Variants in CALN1 observed in about 807,000 individuals in gnomAD.
CALN1 encodes the protein calcium-binding protein 8.
A neutral mutation model predicts 30.6 loss-of-function variants in CALN1; 17 were observed. That is an observed-to-expected ratio of 0.56 (90% confidence interval 0.38 to 0.83). The LOEUF (loss-of-function observed/expected upper bound fraction) is 0.83. CALN1 is among the 40% of genes least tolerant of loss of function. The pLI is 0.00. For synonymous variants in CALN1, 156 were observed against 131.4 expected (o/e 1.19, Z -1.28); for missense variants, 291 against 354.9 (o/e 0.82, Z 1.45).
intron 3 of CALN1, among the ~76,000 whole-genome samples, chr7:72,149,788 G>C (rs1418498272): frequency 6.6e-6 from 1 of 152,036 alleles, no homozygotes; most frequent in South Asian, 2.1e-4. Context: ...TGGGCAGAAA[G>C]GACCTGGTCA....
intron 3 of CALN1, among the ~76,000 whole-genome samples, chr7:72,116,574 T>A (rs765119994): frequency 1.3e-5 from 2 of 152,120 alleles, no homozygotes; most frequent in Admixed American, 6.6e-5. Flanking sequence ...TTTGGGCTTC[T>A]CCTGGATGGC....
chr7:72,082,648 T>C (rs1805223336), intron 4 of CALN1, among the ~76,000 whole-genome samples: 1 of 152,170 alleles, frequency 6.6e-6, no homozygotes, highest in African/African-American at 2.4e-5. Context: ...AGTTTTCTCA[T>C]TGCTCGCATC....
At chr7:71,830,646 C>T (rs1241810115) in intron 5 of CALN1, among the ~76,000 whole-genome samples, 1 of 152,132 alleles carries the variant, frequency 6.6e-6, no homozygotes, top group Non-Finnish European at 1.5e-5. Context: ...CCATGCCCAG[C>T]CAATGAATAA....
intron 3 of CALN1, among the ~76,000 whole-genome samples, chr7:72,270,015 G>C (rs2129553377): frequency 6.6e-6 from 1 of 152,138 alleles, no homozygotes; most frequent in Middle Eastern, 3.4e-3. Flanking sequence ...AACAGATAGG[G>C]TATCTCACCA....
chr7:72,201,494 G>A (rs1430256722), intron 3 of CALN1, among the ~76,000 whole-genome samples: 3 of 151,952 alleles, frequency 2.0e-5, no homozygotes, highest in Non-Finnish European at 4.4e-5. Flanking sequence ...GGGAGGCTGA[G>A]GCAGGAGGAT....
chr7:72,238,718 G>A (rs375242298), intron 3 of CALN1, among the ~76,000 whole-genome samples: 6 of 152,030 alleles, frequency 3.9e-5, no homozygotes, highest in East Asian at 1.9e-4. Flanking sequence ...ATTTGCTGCC[G>A]CCACGTGAAG....
chr7:72,187,044 C>A (rs185360329), intron 3 of CALN1, among the ~76,000 whole-genome samples: 4 of 152,110 alleles, frequency 2.6e-5, no homozygotes, highest in Admixed American at 6.5e-5. Context: ...ACCAATTTGA[C>A]AATCTGAGAC....
At chr7:72,480,992 G>T in the CALN1 span, among the ~76,000 whole-genome samples, 1 of 152,102 alleles carries the variant, frequency 6.6e-6, no homozygotes, top group African/African-American at 2.4e-5. Flanking sequence ...TCGCTCTGTT[G>T]CCCAGGCTGG....
At chr7:71,896,304 G>A (rs562328136) in intron 5 of CALN1, among the ~76,000 whole-genome samples, 1 of 152,246 alleles carries the variant, frequency 6.6e-6, no homozygotes, top group African/African-American at 2.4e-5. Context: ...ACAATTGAGG[G>A]CTGATTTGTC....
chr7:72,302,494 G>A (rs1352303201), intron 2 of CALN1, among the ~76,000 whole-genome samples: 4 of 152,248 alleles, frequency 2.6e-5, no homozygotes, highest in Non-Finnish European at 4.4e-5. Context: ...GGCTTAGAAA[G>A]TTTACAATTT....
chr7:71,808,462 A>C (rs1043150564), intron 6 of CALN1, among the ~76,000 whole-genome samples: 2 of 151,790 alleles, frequency 1.3e-5, no homozygotes, highest in African/African-American at 4.8e-5. Context: ...AATTGCTATT[A>C]ACGATCATTA....
intron 3 of CALN1, among the ~76,000 whole-genome samples, chr7:72,169,475 A>G (rs1176136878): frequency 1.5e-5 from 2 of 131,680 alleles, no homozygotes; most frequent in Non-Finnish European, 3.1e-5. Context: ...GCATGCCACC[A>G]CACCCAGCTG....
intron 3 of CALN1, among the ~76,000 whole-genome samples, chr7:72,110,250 T>C (rs1807469434): frequency 6.6e-6 from 1 of 151,892 alleles, no homozygotes; most frequent in African/African-American, 2.4e-5. Flanking sequence ...TAGCTGGGGG[T>C]GTTTGAGAAC....
At chr7:72,034,795 CAAAAAAA>C (rs57756121) in intron 4 of CALN1, among the ~76,000 whole-genome samples, 6 of 52,644 alleles carry the variant, frequency 1.1e-4, no homozygotes, top group Non-Finnish European at 1.9e-4. Flanking sequence ...GACTCTGTCT[CAAAAAAA>C]AAAAAAAAAA....
intron 5 of CALN1, among the ~76,000 whole-genome samples, chr7:71,859,939 C>G (rs1791174200): frequency 6.6e-6 from 1 of 152,106 alleles, no homozygotes; most frequent in African/African-American, 2.4e-5. Flanking sequence ...CTAAACAGAC[C>G]CAGACTCAGG....
intron 3 of CALN1, among the ~76,000 whole-genome samples, chr7:72,228,329 A>G (rs891720955): frequency 1.3e-5 from 2 of 151,712 alleles, no homozygotes; most frequent in Admixed American, 6.6e-5. Context: ...AGCTTAGCAT[A>G]TCACATAACA....
intron 3 of CALN1, among the ~76,000 whole-genome samples, chr7:72,225,751 C>A (rs1346353888): frequency 6.6e-6 from 1 of 152,074 alleles, no homozygotes; most frequent in Non-Finnish European, 1.5e-5. Flanking sequence ...TAGCGAGTAC[C>A]CACAATGTCT....
At chr7:72,006,752 T>C (rs1482116568) in intron 5 of CALN1, among the ~76,000 whole-genome samples, 1 of 152,164 alleles carries the variant, frequency 6.6e-6, no homozygotes, top group Non-Finnish European at 1.5e-5. Context: ...GGAAGTGCCA[T>C]ATATTAATTT....
chr7:72,292,013 A>AAAAAAAAG (rs1562847524), intron 2 of CALN1, among the ~76,000 whole-genome samples: 1 of 151,770 alleles, frequency 6.6e-6, no homozygotes. Flanking sequence ...AAAAAAAAAA[A>AAAAAAAAG]AAGAATTTCA....
Sources: gnomAD v4.1 joint callset for allele counts (sites outside exome capture counted in the v4.1 genomes callset) on GRCh38, gnomAD v4.1.1 for gene constraint, MANE v1.5 for transcripts, NCBI Gene and HGNC (gene_info 2026-07-23, HGNC 2026-07-21) for gene names.